The following PPARG variants were observed in gnomAD, a reference collection of about 807,000 sequenced individuals.
PPARG encodes peroxisome proliferator activated receptor gamma, also known as peroxisome proliferator-activated receptor gamma.
A neutral mutation model predicts 39.2 loss-of-function variants in PPARG; 17 were observed. The ratio of observed to expected loss-of-function variants is 0.43; its 90% confidence interval spans 0.30 to 0.65. The LOEUF (loss-of-function observed/expected upper bound fraction) is 0.65. Ranked by LOEUF, PPARG falls within the 30% of genes least tolerant of loss-of-function variation. PPARG has a pLI of 0.13. For missense variants in PPARG, 406 were observed against 585.9 expected (o/e 0.69, Z 3.17); for synonymous variants, 223 against 215.7 (o/e 1.03, Z -0.30).
chr3:12,353,598 A>AT (rs749044907), intron 2 of PPARG, among the ~76,000 whole-genome samples: 2 of 152,156 alleles, frequency 1.3e-5, no homozygotes, highest in Non-Finnish European at 2.9e-5. Context: ...GGGTACTGCT[A>AT]TTTAAGAAAA....
At chr3:12,390,103 G>GA (rs1473111031) in intron 4 of PPARG, among the ~76,000 whole-genome samples, 2 of 152,146 alleles carry the variant, frequency 1.3e-5, no homozygotes, top group African/African-American at 2.4e-5. Context: ...ACTGGGAAGT[G>GA]AAAAGCCAGG....
At chr3:12,320,237 T>A (rs2047501203) in intron 2 of PPARG, among the ~76,000 whole-genome samples, 1 of 152,236 alleles carries the variant, frequency 6.6e-6, no homozygotes, top group Non-Finnish European at 1.5e-5. Context: ...TATATGTATG[T>A]ATGTATGCAT....
At chr3:12,328,197 A>G (rs1365628008) in intron 2 of PPARG, 4 of 1,450,638 alleles carry the variant, frequency 2.8e-6, no homozygotes, top group Non-Finnish European at 2.9e-6. Flanking sequence ...ACTAGAACAG[A>G]AAAAGTCCTA....
At position 12,417,033 on chromosome 3, in the gene PPARG, C is replaced by A. The variant is rs1240742379; in HGVS notation, c.1059C>A (p.Ser353Arg). 3.1e-6 allele frequency: 5 copies of A among 1,612,840 alleles called. No homozygotes were observed. The highest frequency in any genetic ancestry group is 4.2e-6 in the Non-Finnish European group (5 of 1,179,202). ...QGFMTREFLK[S>R]LRKPFGDFME... ...TCATGACAAGGGAGTTTCTAAAGAGCCTGCGAAAGCCTTTTGGTGACTTTA... is the reference window on the plus strand; with the variant it reads ...TCATGACAAGGGAGTTTCTAAAGAGACTGCGAAAGCCTTTTGGTGACTTTA... Residue 353 changes from serine to arginine, a missense_variant, in exon 7 of 8, where the codon AGC becomes AGA. Coordinates refer to ENST00000651735, the MANE Select transcript of PPARG (RefSeq NM_138711.6).
intron 1 of PPARG, among the ~76,000 whole-genome samples, chr3:12,304,916 C>G (rs1225118807): frequency 1.3e-5 from 2 of 152,180 alleles, no homozygotes; most frequent in African/African-American, 4.8e-5. Context: ...ACGACTCTCT[C>G]TGATACTGAT....
intron 2 of PPARG, among the ~76,000 whole-genome samples, chr3:12,367,468 A>G (rs988288741): frequency 2.0e-5 from 3 of 152,092 alleles, no homozygotes; most frequent in Non-Finnish European, 2.9e-5. Context: ...TAATCCTGTA[A>G]TCTTTTCTGT....
intron 2 of PPARG, among the ~76,000 whole-genome samples, chr3:12,342,799 T>G (rs2048221150): frequency 6.6e-6 from 1 of 152,108 alleles, no homozygotes; most frequent in African/African-American, 2.4e-5. Context: ...AAGGTGGTTT[T>G]TTTTTTTTAA....
At chr3:12,357,656 G>A (rs574281195) in intron 2 of PPARG, among the ~76,000 whole-genome samples, 11 of 152,248 alleles carry the variant, frequency 7.2e-5, no homozygotes, top group Admixed American at 1.3e-4. Flanking sequence ...AATGTTAACC[G>A]CATGAAGGCA....
At chr3:12,287,806 C>T (rs2046540907), upstream of PPARG, 1 of 113,982 alleles carries the variant, frequency 8.8e-6, no homozygotes, top group Non-Finnish European at 2.0e-5. Context: ...CCGCCCCCGC[C>T]CCCGCCCCCG....
intron 6 of PPARG, among the ~76,000 whole-genome samples, chr3:12,415,203 C>T (rs2051017204): frequency 6.6e-6 from 1 of 152,142 alleles, no homozygotes; most frequent in Non-Finnish European, 1.5e-5. Flanking sequence ...TCACACCTCT[C>T]CACACATATG....
rs372135894 is a variant in PPARG, at chr3:12,298,162, A to G, written c.-83+9028A>G. Among the ~76,000 whole-genome samples the G allele has an allele frequency of 8.1e-5, 12 of 148,774 alleles. No individual in the cohort carries two copies. In the East Asian group the frequency reaches 1.6e-3, roughly 20 times the overall value. On this transcript the variant is annotated intron_variant, in intron 1 of 7. Coordinates refer to ENST00000651735, the MANE Select transcript of PPARG (RefSeq NM_138711.6). ...AAAATACAAAAAATTAGCCGGGCGT[A>G]GTGGCGGGCGCCTGTAGTCCCAGCT...
rs771700358 is a variant in PPARG, at chr3:12,433,904, C to T, written c.1187C>T (p.Pro396Leu). 1 of 1,614,168 alleles carries T rather than the reference C, an allele frequency of 6.2e-7. No individual in the cohort carries two copies. Among genetic ancestry groups the T allele is most frequent in the Non-Finnish European group, 8.5e-7 (1 of 1,180,042 alleles). The change falls in exon 8 of 8, where the codon CCA becomes CTA. Residue 396 changes from proline (P) to leucine (L), a missense_variant. Around this residue, in one of 2 missense-constraint regions of PPARG, gnomAD observed 275 missense variants for 458.0 expected, o/e 0.60. Coordinates refer to ENST00000651735, the MANE Select transcript of PPARG (RefSeq NM_138711.6). ...TCCATATGTGCTTCCCCAGACCGCC[C>T]AGGTTTGCTGAATGTGAAGCCCATT... ...IAVIILSGDR[P>L]GLLNVKPIED...
At chr3:12,340,028 T>G (rs2048136111) in intron 2 of PPARG, among the ~76,000 whole-genome samples, 1 of 152,194 alleles carries the variant, frequency 6.6e-6, no homozygotes. Context: ...GAGGCTACCT[T>G]CTCATCCTAT....
At chr3:12,352,275 G>A (rs544235759) in intron 2 of PPARG, among the ~76,000 whole-genome samples, 15 of 152,172 alleles carry the variant, frequency 9.9e-5, no homozygotes, top group African/African-American at 3.4e-4. Flanking sequence ...ATAGATTGTC[G>A]GAACCTTGAA....
chr3:12,338,417 T>A (rs902339246), intron 2 of PPARG, among the ~76,000 whole-genome samples: 1 of 152,192 alleles, frequency 6.6e-6, no homozygotes, highest in Non-Finnish European at 1.5e-5. Flanking sequence ...TAGATATCTC[T>A]CTCTTAAAAT....
At chr3:12,415,982 G>A (rs531983145) in intron 6 of PPARG, among the ~76,000 whole-genome samples, 1 of 152,216 alleles carries the variant, frequency 6.6e-6, no homozygotes, top group Non-Finnish European at 1.5e-5. Context: ...GTTCAAGTGG[G>A]TATTTTCAAC....
In PPARG at chr3:12,416,828, T is replaced by G; in HGVS notation, c.854T>G (p.Phe285Cys). Residue 285 changes from phenylalanine to cysteine, a missense_variant, in exon 7 of 8, where the codon TTT (phenylalanine) becomes TGT (cysteine). Physicochemically the swap from Phe to Cys is radical, Grantham distance 205 (BLOSUM62 -2). Coordinates refer to ENST00000651735, the MANE Select transcript of PPARG (RefSeq NM_138711.6). ...ATCCGCATCTTTCAGGGCTGCCAGT[T>G]TCGCTCCGTGGAGGCTGTGCAGGAG... ...VAIRIFQGCQFRSVEAVQEIT... is the reference protein window; with the variant it reads ...VAIRIFQGCQCRSVEAVQEIT... The G allele has an allele frequency of 6.2e-7, 1 of 1,614,158 alleles. No homozygotes were observed. The highest frequency in any genetic ancestry group is 1.1e-5 in the South Asian group (1 of 91,082).
intron 5 of PPARG, among the ~76,000 whole-genome samples, chr3:12,394,290 A>C (rs1559522364): frequency 6.6e-6 from 1 of 152,230 alleles, no homozygotes; most frequent in Non-Finnish European, 1.5e-5. Flanking sequence ...TTCATGTAAA[A>C]TATAATTCCT....
intron 2 of PPARG, among the ~76,000 whole-genome samples, chr3:12,347,995 T>G (rs558037008): frequency 1.6e-4 from 24 of 152,314 alleles, no homozygotes; most frequent in African/African-American, 5.5e-4. Context: ...TACATACAAT[T>G]TTATACCAAT....
Sources: gnomAD v4.1 joint callset for allele counts (sites outside exome capture counted in the v4.1 genomes callset) on GRCh38, gnomAD v4.1.1 for gene constraint, gnomAD v4.1.1 regional missense constraint, MANE v1.5 for transcripts, NCBI Gene and HGNC (gene_info 2026-07-23, HGNC 2026-07-21) for gene names.